Variants in HEPHL1 observed in about 807,000 individuals in gnomAD.
HEPHL1 encodes the protein hephaestin like 1.
Under a neutral mutation model 122.0 loss-of-function variants are expected in HEPHL1, and 123 were observed. The ratio of observed to expected loss-of-function variants is 1.01; its 90% confidence interval spans 0.87 to 1.17. The LOEUF is 1.17. Ranked by LOEUF, HEPHL1 falls within the 50% of genes most tolerant of loss-of-function variation. HEPHL1 has a pLI of 0.00. For synonymous variants in HEPHL1, 527 were observed against 508.9 expected (o/e 1.04, Z -0.48); for missense variants, 1,452 against 1,430.5 (o/e 1.01, Z -0.24).
At chr11:94,042,356 C>G in intron 1 of HEPHL1, among the ~76,000 whole-genome samples, 1 of 140,836 alleles carries the variant, frequency 7.1e-6, no homozygotes, top group Non-Finnish European at 1.5e-5. Flanking sequence ...ACCATTTGAC[C>G]CAGCCATCCC....
Position 94,052,318 on chromosome 11 carries a change from T to C in HEPHL1, c.415+6401T>C, listed in dbSNP as rs141638196. Among the ~76,000 whole-genome samples, 1,151 of 152,194 alleles carry C rather than the reference T, an allele frequency of 7.6e-3. 20 individuals carry two copies. Among genetic ancestry groups the C allele is most frequent in the African/African-American group, 0.027 (1,113 of 41,514 alleles). On this transcript the variant is annotated intron_variant, in intron 2 of 19. Coordinates refer to ENST00000315765, the MANE Select transcript of HEPHL1 (RefSeq NM_001098672.2). Reference sequence around the variant, plus strand: ...TTCATCAGTGTTTTATAGTTTTCATTATAAAGATCCTTCATTTCCTTAGTT... The same window carrying C: ...TTCATCAGTGTTTTATAGTTTTCATCATAAAGATCCTTCATTTCCTTAGTT...
chr11:94,092,035 G>A (rs529881202), intron 12 of HEPHL1, among the ~76,000 whole-genome samples: 1 of 152,240 alleles, frequency 6.6e-6, no homozygotes, highest in East Asian at 1.9e-4. Flanking sequence ...TAAATGTATA[G>A]CTTAGGATCC....
At chr11:94,042,799 G>A (rs1346091327) in intron 1 of HEPHL1, among the ~76,000 whole-genome samples, 14 of 137,508 alleles carry the variant, frequency 1.0e-4, no homozygotes, top group East Asian at 2.2e-4. Flanking sequence ...TGGGTGCAGC[G>A]CACCAGCATG....
intron 1 of HEPHL1, among the ~76,000 whole-genome samples, chr11:94,037,601 C>A (rs1945738483): frequency 6.6e-6 from 1 of 152,200 alleles, no homozygotes; most frequent in Non-Finnish European, 1.5e-5. Context: ...ACCCCCCCAA[C>A]AGGGGCATAC....
chr11:94,033,381 A>G (rs1439310404), intron 1 of HEPHL1, among the ~76,000 whole-genome samples: 2 of 152,198 alleles, frequency 1.3e-5, no homozygotes, highest in Admixed American at 1.3e-4. Flanking sequence ...TTCTCCCAGT[A>G]GTAAGATATG....
chr11:94,063,457 T>C (rs1946003312), intron 2 of HEPHL1, 51 bp from the exon 3 acceptor site: 1 of 1,392,870 alleles, frequency 7.2e-7, no homozygotes. Flanking sequence ...GCATGTGATC[T>C]CTCTGTTTTA....
Position 94,067,478 on chromosome 11 carries a change from G to A in HEPHL1, c.809-18G>A, listed in dbSNP as rs758383587. 2 of 1,610,296 alleles carry A rather than the reference G, an allele frequency of 1.2e-6. No homozygotes were observed. The highest frequency in any genetic ancestry group is 1.1e-5 in the South Asian group (1 of 91,008). ...CTCTGCAGGGGAGTCTCTTCCACTA[G>A]CGTGTTTCTGTTTCCAGCCCTCAAT... On this transcript the variant is annotated intron_variant, in intron 4 of 19. Coordinates refer to ENST00000315765, the MANE Select transcript of HEPHL1 (RefSeq NM_001098672.2).
At position 94,021,490 on chromosome 11, in the gene HEPHL1, T is replaced by C. The variant is rs370017896; in HGVS notation, c.122T>C (p.Val41Ala). ...ATTGTGGAAGAATACTGGAACTATG[T>C]ACCCCAAGGGAAGAATGTTATTACT... Reference protein sequence around the residue: ...IGIVEEYWNYVPQGKNVITGK... With the variant: ...IGIVEEYWNYAPQGKNVITGK... The change falls in exon 1 of 20, where the codon GTA becomes GCA. Residue 41 changes from valine (V) to alanine (A), a missense_variant. By Grantham distance (64) the Val-to-Ala change is moderately conservative. Transcript: ENST00000315765. 216 of 1,613,054 alleles carry C rather than the reference T, an allele frequency of 1.3e-4. 1 individual carries two copies. The African/African-American group carries it at 2.6e-3, about 19-fold the overall frequency.
Position 94,045,832 on chromosome 11 carries a change from T to C in HEPHL1, c.330T>C (p.Asp110=), listed in dbSNP as rs755025800. 4 of 1,613,932 alleles carry C rather than the reference T, an allele frequency of 2.5e-6. No individual in the cohort carries two copies. Among genetic ancestry groups the C allele is most frequent in the Non-Finnish European group, 3.4e-6 (4 of 1,179,872 alleles). ...CCATCTTGAGGGCCGAAGTGGGTGA[T>C]GTGATTGTCATTCATTTAAAGAACT... ...LGPILRAEVG[D]VIVIHLKNFA... The change falls in exon 2 of 20, where the codon GAT becomes GAC. Residue 110 remains aspartate (D), a synonymous_variant. Transcript: ENST00000315765.
intron 14 of HEPHL1, 74 bp from the exon 15 acceptor site, chr11:94,102,840 G>A (rs1263587153): frequency 4.0e-6 from 3 of 758,546 alleles, no homozygotes; most frequent in Non-Finnish European, 6.9e-6. Context: ...ATAAAGACCT[G>A]CTTATATTTC....
rs1945828433 is a variant in HEPHL1, at chr11:94,045,719, A to G, written c.217A>G (p.Ile73Val). 1.2e-6 allele frequency: 2 copies of G among 1,613,098 alleles called. No individual in the cohort carries two copies. Among genetic ancestry groups the G allele is most frequent in the East Asian group, 2.2e-5 (1 of 44,878 alleles). ...AAGAGGGCCCAACAGGATAGGCAGTATTTACAAAAAGGCTGTTTACAGACG... is the reference window on the plus strand; with the variant it reads ...AAGAGGGCCCAACAGGATAGGCAGTGTTTACAAAAAGGCTGTTTACAGACG... ...LERGPNRIGS[I>V]YKKAVYRRFT... Residue 73 changes from isoleucine (I) to valine (V), a missense_variant, in exon 2 of 20, where the codon ATT (isoleucine) becomes GTT (valine). Coordinates refer to ENST00000315765, the MANE Select transcript of HEPHL1 (RefSeq NM_001098672.2).
intron 17 of HEPHL1, among the ~76,000 whole-genome samples, chr11:94,110,497 A>T (rs1565364872): frequency 6.6e-6 from 1 of 152,208 alleles, no homozygotes; most frequent in Non-Finnish European, 1.5e-5. Context: ...TCCAGTGAGT[A>T]ATCCAAGAGA....
At chr11:94,101,454 A>G (rs1165062370) in intron 14 of HEPHL1, 119 bp downstream of exon 14, 3 of 997,996 alleles carry the variant, frequency 3.0e-6, no homozygotes, top group African/African-American at 3.2e-5. Flanking sequence ...GCCATCATCT[A>G]GTCACTCTGG....
Position 94,021,396 on chromosome 11 carries a change from A to G in HEPHL1, c.28A>G (p.Ile10Val), listed in dbSNP as rs1036760075. The change falls in exon 1 of 20, where the codon ATC becomes GTC. Residue 10 changes from isoleucine to valine, a missense_variant. Ile to Val is a conservative substitution (Grantham distance 29). Coordinates refer to ENST00000315765, the MANE Select transcript of HEPHL1 (RefSeq NM_001098672.2). ...GCCTCGGAAGCAGCCAGCTGGCTGCATCTTTCTCCTCACATTCCTGGGTCT... is the reference window on the plus strand; with the variant it reads ...GCCTCGGAAGCAGCCAGCTGGCTGCGTCTTTCTCCTCACATTCCTGGGTCT... Reference protein sequence around the residue: MPRKQPAGCIFLLTFLGLSG... With the variant: MPRKQPAGCVFLLTFLGLSG... 11 of 1,613,260 alleles carry G rather than the reference A, an allele frequency of 6.8e-6. No individual in the cohort carries two copies. The highest frequency in any genetic ancestry group is 2.7e-5 in the African/African-American group (2 of 74,900).
intron 1 of HEPHL1, among the ~76,000 whole-genome samples, chr11:94,030,037 T>G (rs779961387): frequency 2.0e-5 from 3 of 152,214 alleles, no homozygotes; most frequent in Non-Finnish European, 4.4e-5. Flanking sequence ...TGTGTCTTCA[T>G]GTGTGCAGTG....
intron 10 of HEPHL1, among the ~76,000 whole-genome samples, chr11:94,085,105 A>T (rs542056827): frequency 6.6e-6 from 1 of 152,320 alleles, no homozygotes; most frequent in Non-Finnish European, 1.5e-5. Context: ...TTATTTCTCC[A>T]AGAAACATCA....
intron 11 of HEPHL1, among the ~76,000 whole-genome samples, chr11:94,086,846 A>G (rs1946222538): frequency 6.6e-6 from 1 of 152,260 alleles, no homozygotes; most frequent in African/African-American, 2.4e-5. Flanking sequence ...AGCACATGCT[A>G]ATCACTGCAT....
At position 94,042,364 on chromosome 11, in the gene HEPHL1, C is replaced by T. The variant is rs1391606423; in HGVS notation, c.171-3309C>T. 2.5e-4 allele frequency among the ~76,000 whole-genome samples: 36 copies of T among 142,122 alleles called. 2 individuals carry two copies. In the South Asian group the frequency reaches 8.3e-3, roughly 33 times the overall value. The allele number at this position is 142,122 out of a possible 152,430, so 93.2% of individuals were successfully genotyped here. A position where few individuals can be genotyped will look rare whatever the true frequency, so the allele number is the denominator to read the frequency against. ...TAGAAATACCATTTGACCCAGCCAT[C>T]CCATTACTGGGTATATACCCAAAGG... On this transcript the variant is annotated intron_variant, in intron 1 of 19. Transcript: ENST00000315765.
chr11:94,055,408 G>C (rs1333824688), intron 2 of HEPHL1: 3 of 223,892 alleles, frequency 1.3e-5, no homozygotes, highest in African/African-American at 4.6e-5. Context: ...CTGGAGACCA[G>C]CTCTCTCTGG....
Sources: gnomAD v4.1 joint callset for allele counts (sites outside exome capture counted in the v4.1 genomes callset) on GRCh38, gnomAD v4.1.1 for gene constraint, MANE v1.5 for transcripts, NCBI Gene and HGNC (gene_info 2026-07-23, HGNC 2026-07-21) for gene names.